CNTN4: variants seen among roughly 807,000 people sequenced by gnomAD.
The protein encoded by CNTN4 is contactin 4.
Under a neutral mutation model 122.5 loss-of-function variants are expected in CNTN4, and 77 were observed. That is an observed-to-expected ratio of 0.63 (90% CI 0.52 to 0.76). The LOEUF (loss-of-function observed/expected upper bound fraction) is 0.76, where lower values mean the gene tolerates loss of function less well. Ranked by LOEUF, CNTN4 falls within the 30% of genes least tolerant of loss-of-function variation. CNTN4 has a pLI of 0.00. For missense variants in CNTN4, 1,256 were observed against 1,259.1 expected (o/e 1.00, Z 0.04); for synonymous variants, 512 against 447.0 (o/e 1.15, Z -1.83).
chr3:2,183,302 C>G (rs1168815438), intron 2 of CNTN4, among the ~76,000 whole-genome samples: 1 of 152,128 alleles, frequency 6.6e-6, no homozygotes, highest in Non-Finnish European at 1.5e-5. Context: ...ACTGACAAAG[C>G]AAGGCACAAT....
At chr3:2,300,664 C>T (rs62245014) in intron 2 of CNTN4, among the ~76,000 whole-genome samples, 5,161 of 148,894 alleles carry the variant, frequency 0.035, 126 homozygotes, top group Non-Finnish European at 0.051. Flanking sequence ...CTCTGCCTCC[C>T]GGGTTCAAGC....
At chr3:2,845,106 T>G (rs1392558166) in intron 7 of CNTN4, among the ~76,000 whole-genome samples, 1 of 152,128 alleles carries the variant, frequency 6.6e-6, no homozygotes, top group African/African-American at 2.4e-5. Context: ...AAAAACTAGG[T>G]GCAATCCTTT....
At chr3:3,052,650 A>G (rs1183467257) in intron 23 of CNTN4, among the ~76,000 whole-genome samples, 1 of 152,188 alleles carries the variant, frequency 6.6e-6, no homozygotes, top group Non-Finnish European at 1.5e-5. Flanking sequence ...AGGTAAGTGA[A>G]TGTGTTTTTA....
intron 3 of CNTN4, among the ~76,000 whole-genome samples, chr3:2,375,874 T>G (rs1459090949): frequency 6.6e-6 from 1 of 152,042 alleles, no homozygotes; most frequent in Non-Finnish European, 1.5e-5. Flanking sequence ...GGTCCAGATG[T>G]TCAACTTGCC....
At chr3:2,542,082 G>T (rs1409324860) in intron 3 of CNTN4, among the ~76,000 whole-genome samples, 1 of 152,100 alleles carries the variant, frequency 6.6e-6, no homozygotes, top group Non-Finnish European at 1.5e-5. Flanking sequence ...CAGTAGCACA[G>T]TGCCCCTTGC....
chr3:2,202,480 A>G (rs547135121), intron 2 of CNTN4, among the ~76,000 whole-genome samples: 3 of 152,222 alleles, frequency 2.0e-5, no homozygotes, highest in South Asian at 4.2e-4. Context: ...TTGTAACTGG[A>G]TTTGAAACCT....
At chr3:2,882,358 T>C (rs1577142096) in intron 8 of CNTN4, among the ~76,000 whole-genome samples, 1 of 151,242 alleles carries the variant, frequency 6.6e-6, no homozygotes, top group Non-Finnish European at 1.5e-5. Flanking sequence ...AGAGCGAGAC[T>C]TCGTCTCGAA....
At chr3:2,588,618 G>C (rs1318261486) in intron 4 of CNTN4, among the ~76,000 whole-genome samples, 1 of 151,906 alleles carries the variant, frequency 6.6e-6, no homozygotes, top group African/African-American at 2.4e-5. Context: ...ACTCGCCTCG[G>C]CCTCCCAAAG....
chr3:2,328,082 C>A (rs1055823460), intron 2 of CNTN4, among the ~76,000 whole-genome samples: 1 of 152,136 alleles, frequency 6.6e-6, no homozygotes, highest in African/African-American at 2.4e-5. Context: ...ATATTATACC[C>A]TTTTGTCTTC....
chr3:3,016,212 A>G (rs1388644593), intron 14 of CNTN4, among the ~76,000 whole-genome samples: 2 of 152,320 alleles, frequency 1.3e-5, no homozygotes, highest in East Asian at 1.9e-4. Flanking sequence ...TTAATTTGTC[A>G]TTGACAGTAG....
intron 13 of CNTN4, among the ~76,000 whole-genome samples, chr3:2,944,376 G>C (rs917436332): frequency 6.6e-6 from 1 of 152,078 alleles, no homozygotes; most frequent in Non-Finnish European, 1.5e-5. Context: ...GCAGCATCTA[G>C]TCTAAGAACT....
intron 2 of CNTN4, among the ~76,000 whole-genome samples, chr3:2,143,099 C>T (rs981636659): frequency 2.0e-5 from 3 of 152,184 alleles, no homozygotes; most frequent in Non-Finnish European, 4.4e-5. Context: ...CTGGATGGTT[C>T]ACTGTACTGC....
intron 3 of CNTN4, among the ~76,000 whole-genome samples, chr3:2,481,999 A>G (rs940638398): frequency 6.6e-6 from 1 of 152,214 alleles, no homozygotes; most frequent in African/African-American, 2.4e-5. Context: ...AATACAGTAA[A>G]TTGGTACTGC....
At chr3:2,767,165 A>G (rs2090899460) in intron 6 of CNTN4, among the ~76,000 whole-genome samples, 1 of 152,230 alleles carries the variant, frequency 6.6e-6, no homozygotes, top group South Asian at 2.1e-4. Flanking sequence ...AGAAGCTGGT[A>G]AGAAAGGCAA....
intron 3 of CNTN4, among the ~76,000 whole-genome samples, chr3:2,481,411 G>T (rs2076003023): frequency 6.6e-6 from 1 of 152,052 alleles, no homozygotes; most frequent in Non-Finnish European, 1.5e-5. Context: ...AAAGTGCTGG[G>T]ATTACAGGTG....
intron 3 of CNTN4, among the ~76,000 whole-genome samples, chr3:2,353,929 A>C (rs1422830554): frequency 1.3e-5 from 2 of 151,964 alleles, no homozygotes; most frequent in Admixed American, 1.3e-4. Flanking sequence ...AAACAAACAA[A>C]AAAAACATAA....
chr3:2,633,472 G>A (rs971900105), intron 4 of CNTN4, among the ~76,000 whole-genome samples: 1 of 152,162 alleles, frequency 6.6e-6, no homozygotes, highest in East Asian at 1.9e-4. Context: ...TCAGCATGGT[G>A]GACTTTGGGT....
At chr3:2,998,730 G>GA (rs908316234) in intron 14 of CNTN4, among the ~76,000 whole-genome samples, 1 of 152,118 alleles carries the variant, frequency 6.6e-6, no homozygotes, top group Non-Finnish European at 1.5e-5. Flanking sequence ...CATATTCAGG[G>GA]AAAATACAGT....
At chr3:2,177,915 G>C (rs2036829094) in intron 2 of CNTN4, among the ~76,000 whole-genome samples, 1 of 151,932 alleles carries the variant, frequency 6.6e-6, no homozygotes, top group African/African-American at 2.4e-5. Flanking sequence ...CATCACAATT[G>C]CCTTGCTTTT....
Sources: gnomAD v4.1 joint callset for allele counts (sites outside exome capture counted in the v4.1 genomes callset) on GRCh38, gnomAD v4.1.1 for gene constraint, MANE v1.5 for transcripts, NCBI Gene and HGNC (gene_info 2026-07-23, HGNC 2026-07-21) for gene names.